The following HUWE1 variants were observed in gnomAD, a reference collection of about 807,000 sequenced individuals.
The protein encoded by HUWE1 is E3 ubiquitin-protein ligase HUWE1.
In HUWE1, 18 loss-of-function variants were observed where a neutral mutation model predicts 299.4. That is an observed-to-expected ratio of 0.06 (90% CI 0.04 to 0.09). The LOEUF is 0.09. HUWE1 is among the 10% of genes least tolerant of loss of function. HUWE1 has a pLI of 1.00. For missense variants in HUWE1, 1,832 were observed against 3,462.3 expected, an observed-to-expected ratio of 0.53 and a Z score of 11.82; for synonymous variants, 1,317 against 1,286.1, an observed-to-expected ratio of 1.02 and a Z score of -0.51.
chrX:53,635,349 T>C (rs1327429151), intron 7 of HUWE1, among the ~76,000 whole-genome samples: 1 of 111,171 alleles, frequency 9.0e-6, no homozygotes, highest in Non-Finnish European at 1.9e-5. Flanking sequence ...GGTCTCCCTC[T>C]GTTGCCTAGG....
intron 3 of HUWE1, among the ~76,000 whole-genome samples, chrX:53,676,042 C>T (rs1339824922): frequency 1.3e-4 from 15 of 111,195 alleles, no homozygotes; most frequent in African/African-American, 4.9e-4. Flanking sequence ...AAGTCTCAGA[C>T]CCAAAATAAC....
chrX:53,539,101 G>A, intron 75 of HUWE1, 21 bp from the exon 76 acceptor site: 1 of 1,202,250 alleles, frequency 8.3e-7, no homozygotes, highest in Middle Eastern at 2.3e-4. Context: ...GAATGATGGA[G>A]AAGTAACATT....
Position 53,536,176 on chromosome X carries a change from G to A in HUWE1, c.12502C>T (p.Leu4168=), listed in dbSNP as rs782693101. 8.3e-7 allele frequency: 1 copy of A among 1,202,154 alleles called. No individual in the cohort carries two copies. Among genetic ancestry groups the A allele is most frequent in the Non-Finnish European group, 1.1e-6 (1 of 887,023 alleles). ...GTGCTGAAGGTGAGGTCATAGCCTAGTGTGGAGACATCATTTTCCAGCAGA... is the reference window on the plus strand; with the variant it reads ...GTGCTGAAGGTGAGGTCATAGCCTAATGTGGAGACATCATTTTCCAGCAGA... ...VYLLENDVST[L]GYDLTFSTEV... Residue 4168 remains leucine, a synonymous_variant, in exon 80 of 84, where the codon CTA becomes TTA. Coordinates refer to ENST00000262854, the MANE Select transcript of HUWE1 (RefSeq NM_031407.7).
rs1556922757 is a variant in HUWE1 at position 53,546,410 on chromosome X, A to G, written c.10915+26T>C. 4 of 1,194,732 alleles carry G rather than the reference A, an allele frequency of 3.3e-6. No homozygotes were observed. The African/African-American group carries it at 7.0e-5, about 21-fold the overall frequency. On this transcript the variant is annotated intron_variant, in intron 70 of 83. Transcript: ENST00000262854. ...CACCTAAGTGGAAACCTTCAGAAAG[A>G]GAAAATGCTTTACTTCTGCTATTAC...
Position 53,532,267 on chromosome X carries a change from CAACAAAAATAGACA to C in HUWE1, c.*1028_*1041del, listed in dbSNP as rs2060810671. ...CAGATGACGAGAGAGGGAGTGACGA[CAACAAAAATAGACA>C]AACAAAAATAATGGTCTTCTGGCGA... On this transcript the variant is annotated 3_prime_UTR_variant, in exon 84 of 84. Coordinates refer to ENST00000262854, the MANE Select transcript of HUWE1 (RefSeq NM_031407.7). 1 of 111,397 alleles carries C rather than the reference CAACAAAAATAGACA, an allele frequency of 9.0e-6. No homozygotes were observed. Among genetic ancestry groups the C allele is most frequent in the African/African-American group, 3.3e-5 (1 of 30,631 alleles). 9.2% of individuals were successfully genotyped at this position (111,397 alleles called of 1,213,427 possible).
In HUWE1 at chrX:53,617,576, T is replaced by C. The variant is rs2065872893; in HGVS notation, c.1673-130A>G. 4 of 498,833 alleles carry C rather than the reference T, an allele frequency of 8.0e-6. No homozygotes were observed. The South Asian group carries it at 1.1e-4, about 14-fold the overall frequency. 41.1% of individuals were successfully genotyped at this position (498,833 alleles called of 1,213,427 possible). A position where few individuals can be genotyped will look rare whatever the true frequency, so the allele number is the denominator to read the frequency against. On this transcript the variant is annotated intron_variant, in intron 19 of 83. Transcript: ENST00000262854. ...TTAAACCCTTGTGCTTACTATGAAATTAAAGATCCTAATACTGCTCCATCA... is the reference window on the plus strand; with the variant it reads ...TTAAACCCTTGTGCTTACTATGAAACTAAAGATCCTAATACTGCTCCATCA...
Position 53,630,999 on chromosome X carries a change from G to T in HUWE1, c.798C>A (p.Gly266=). The stretch of plus-strand genomic sequence containing the variant: ...GCAATCGCTTCCTGTGATTAGAAAA[G>T]CCATGGGCCAGTCGTATGTGTGTAA... ...LLFTHIRLAH[G]FSNHRKRLQA... Residue 266 remains glycine, a synonymous_variant, in exon 12 of 84, where the codon GGC becomes GGA. Coordinates refer to ENST00000262854, the MANE Select transcript of HUWE1 (RefSeq NM_031407.7). 8.4e-7 allele frequency: 1 copy of T among 1,193,597 alleles called. No homozygotes were observed. The highest frequency in any genetic ancestry group is 1.1e-6 in the Non-Finnish European group (1 of 878,840).
intron 6 of HUWE1, among the ~76,000 whole-genome samples, chrX:53,646,661 G>A (rs1484646934): frequency 9.0e-6 from 1 of 111,536 alleles, no homozygotes; most frequent in Non-Finnish European, 1.9e-5. Flanking sequence ...AGCTCTGTAT[G>A]TTAGGCCTTT....
At chrX:53,644,464 G>T (rs2067830845) in intron 7 of HUWE1, among the ~76,000 whole-genome samples, 1 of 111,576 alleles carries the variant, frequency 9.0e-6, no homozygotes, top group Non-Finnish European at 1.9e-5. Context: ...AGTATCTTAA[G>T]AAAACAGGTC....
At chrX:53,590,953 C>A (rs782593866) in intron 34 of HUWE1, 47 bp downstream of exon 34, 2 of 1,202,878 alleles carry the variant, frequency 1.7e-6, no homozygotes, top group South Asian at 3.5e-5. Context: ...AGGACTTCAG[C>A]AGTCAAACCA....
rs1355356512 is a variant in HUWE1, at chrX:53,581,229, C to T, written c.5521-203G>A. Among the ~76,000 whole-genome samples the T allele has an allele frequency of 4.5e-5, 5 of 111,792 alleles. No individual in the cohort carries two copies. The East Asian group carries it at 1.4e-3, about 31-fold the overall frequency. ...GTCTCAAAACTATCAATTATTAGACCAGACTGCATGTGATCTTTATAGAAA... is the reference window on the plus strand; with the variant it reads ...GTCTCAAAACTATCAATTATTAGACTAGACTGCATGTGATCTTTATAGAAA... On this transcript the variant is annotated intron_variant, in intron 42 of 83. Coordinates refer to ENST00000262854, the MANE Select transcript of HUWE1 (RefSeq NM_031407.7).
intron 3 of HUWE1, among the ~76,000 whole-genome samples, chrX:53,658,952 C>T (rs1158199237): frequency 8.9e-6 from 1 of 112,658 alleles, no homozygotes; most frequent in African/African-American, 3.2e-5. Context: ...GGCAAATAAA[C>T]ATATGAAAAG....
chrX:53,589,776 C>T lies in HUWE1; in HGVS notation c.4232G>A (p.Arg1411Gln), dbSNP rs1225185602. ...AGCCTCTTCCTCCTCCTGCTTTTCC[C>T]GAGCTTTCCGTTCCTCTTCCTCCTT... ...CRKEEEERKA[R>Q]EKQEEEEAKC... is the part of the protein sequence containing the mutation. The change falls in exon 36 of 84, where the codon CGG becomes CAG. Residue 1411 changes from arginine to glutamine, a missense_variant. This residue lies in a region of HUWE1 where 658 missense variants were observed against 1,282.6 expected (regional missense o/e 0.51). Coordinates refer to ENST00000262854, the MANE Select transcript of HUWE1 (RefSeq NM_031407.7). 5 of 1,208,336 alleles carry T rather than the reference C, an allele frequency of 4.1e-6. No homozygotes were observed. The highest frequency in any genetic ancestry group is 1.8e-5 in the African/African-American group (1 of 57,029).
chrX:53,550,492 A>G (rs2061725411), intron 66 of HUWE1, among the ~76,000 whole-genome samples, 174 bp downstream of exon 66: 1 of 112,100 alleles, frequency 8.9e-6, no homozygotes, highest in Non-Finnish European at 1.9e-5. Context: ...CAAAAGGTGT[A>G]GTTTTCTGAA....
chrX:53,579,710 G>A (rs1225950609), intron 43 of HUWE1, among the ~76,000 whole-genome samples: 35 of 97,598 alleles, frequency 3.6e-4, no homozygotes, highest in African/African-American at 1.0e-3. Context: ...GATTAAGGGC[G>A]GTGCAAGATG....
In HUWE1 at chrX:53,631,432, G is replaced by T; in HGVS notation, c.744C>A (p.Ser248Arg). 1 of 1,200,729 alleles carries T rather than the reference G, an allele frequency of 8.3e-7. No individual in the cohort carries two copies. Among genetic ancestry groups the T allele is most frequent in the Non-Finnish European group, 1.1e-6 (1 of 885,953 alleles). ...EIMESLTKMY[S>R]IPKDKQMLLF... Reference sequence around the variant, plus strand: ...ATCATACCTGCTTATCCTTAGGAATGCTGTACATTTTGGTAAGAGATTCCA... The same window carrying T: ...ATCATACCTGCTTATCCTTAGGAATTCTGTACATTTTGGTAAGAGATTCCA... Residue 248 changes from serine (S) to arginine (R), a missense_variant, in exon 11 of 84, where the codon AGC becomes AGA. Around this residue, in one of 15 missense-constraint regions of HUWE1, gnomAD observed 658 missense variants for 1,282.6 expected, o/e 0.51. Transcript: ENST00000262854.
In HUWE1 at chrX:53,602,130, A is replaced by G. The variant is rs782107737; in HGVS notation, c.2971+434T>C. ...CCCTCTGATACAGTAATTTCTAGGA[A>G]TCAATTTTACATTTGTAGAAAAGTA... On this transcript the variant is annotated intron_variant, in intron 28 of 83. Coordinates refer to ENST00000262854, the MANE Select transcript of HUWE1 (RefSeq NM_031407.7). 8.0e-5 allele frequency among the ~76,000 whole-genome samples: 9 copies of G among 112,172 alleles called. No homozygotes were observed. In the East Asian group the frequency reaches 2.2e-3, roughly 28 times the overall value.
intron 3 of HUWE1, among the ~76,000 whole-genome samples, chrX:53,679,397 G>A (rs907487957): frequency 1.9e-4 from 21 of 111,966 alleles, no homozygotes; most frequent in Non-Finnish European, 3.8e-4. Context: ...TATATTTAAA[G>A]AGCCCTTGCC....
chrX:53,594,958 C>T (rs1375034631), intron 30 of HUWE1, among the ~76,000 whole-genome samples: 4 of 111,462 alleles, frequency 3.6e-5, no homozygotes, highest in Non-Finnish European at 7.5e-5. Context: ...GGGATACTAC[C>T]TATATAAGAC....
Sources: gnomAD v4.1 joint callset for allele counts (sites outside exome capture counted in the v4.1 genomes callset) on GRCh38, gnomAD v4.1.1 for gene constraint, gnomAD v4.1.1 regional missense constraint, MANE v1.5 for transcripts, NCBI Gene and HGNC (gene_info 2026-07-23, HGNC 2026-07-21) for gene names.